Variants in PLXNA4 observed in about 807,000 individuals in gnomAD.
PLXNA4 encodes the protein plexin-A4.
In PLXNA4, 44 loss-of-function variants were observed where a neutral mutation model predicts 191.8. The ratio of observed to expected loss-of-function variants is 0.23; its 90% CI spans 0.18 to 0.29. PLXNA4 has a LOEUF of 0.29. Ranked by LOEUF, PLXNA4 falls within the 10% of genes least tolerant of loss-of-function variation. PLXNA4 has a pLI of 1.00. For synonymous variants in PLXNA4, 1,082 were observed against 1,009.5 expected, an observed-to-expected ratio of 1.07 and a Z score of -1.36; for missense variants, 1,800 against 2,488.8, an observed-to-expected ratio of 0.72 and a Z score of 5.89.
intron 1 of PLXNA4, among the ~76,000 whole-genome samples, chr7:132,646,322 C>T (rs568279765): frequency 4.6e-5 from 7 of 152,280 alleles, no homozygotes; most frequent in African/African-American, 1.7e-4. Context: ...CTCTTCCACT[C>T]AGAACACCTG....
At chr7:132,576,525 G>A (rs1016571956), upstream of PLXNA4, 1 of 985,874 alleles carries the variant, frequency 1.0e-6, no homozygotes, top group Non-Finnish European at 1.2e-6. The surrounding 1 kb of genome is among the most constrained non-coding windows in gnomAD (Gnocchi z 5.8). Context: ...GTGCGTGTGC[G>A]CGCGTGTGGC....
chr7:132,332,565 T>C (rs1159833095), intron 3 of PLXNA4, among the ~76,000 whole-genome samples: 1 of 152,058 alleles, frequency 6.6e-6, no homozygotes, highest in East Asian at 1.9e-4. Context: ...TATTATTCCA[T>C]GGGCTGGGCG....
intron 17 of PLXNA4, among the ~76,000 whole-genome samples, 152 bp downstream of exon 17, chr7:132,181,944 CT>C (rs553493563): frequency 5.6e-4 from 85 of 152,344 alleles, no homozygotes; most frequent in Admixed American, 1.4e-3. Context: ...GTCTTCCCCC[CT>C]ATTCCACTAT....
intron 3 of PLXNA4, among the ~76,000 whole-genome samples, chr7:132,483,870 G>A (rs1797438367): frequency 6.6e-6 from 1 of 152,204 alleles, no homozygotes; most frequent in Admixed American, 6.5e-5. Flanking sequence ...AGGAAGTCAG[G>A]AGGAGAATGC....
chr7:132,561,311 CCTT>C (rs1414277575), intron 1 of PLXNA4, among the ~76,000 whole-genome samples: 2 of 149,154 alleles, frequency 1.3e-5, no homozygotes, highest in Non-Finnish European at 3.0e-5. Context: ...TCCTCTTTCT[CCTT>C]CTTCTCCTCC....
chr7:132,582,108 AGGT>A (rs929696087), upstream of PLXNA4, among the ~76,000 whole-genome samples: 118 of 152,278 alleles, frequency 7.7e-4, no homozygotes, highest in African/African-American at 2.6e-3. Context: ...GGGAGGCACA[AGGT>A]CCCGTAGTAT....
intron 3 of PLXNA4, among the ~76,000 whole-genome samples, chr7:132,412,357 G>A (rs962066127): frequency 1.3e-5 from 2 of 152,140 alleles, no homozygotes; most frequent in Non-Finnish European, 2.9e-5. Context: ...CCATGCTGAC[G>A]ATACAACAGT....
At chr7:132,368,715 GAGA>G (rs1310541202) in intron 3 of PLXNA4, among the ~76,000 whole-genome samples, 2 of 152,220 alleles carry the variant, frequency 1.3e-5, no homozygotes, top group Non-Finnish European at 2.9e-5. Context: ...GGCTGGAGCT[GAGA>G]AGAACTGACA....
At position 132,508,894 on chromosome 7, in the gene PLXNA4, G is replaced by C; in HGVS notation, c.-86-115C>G. 3 of 1,071,758 alleles carry C rather than the reference G, an allele frequency of 2.8e-6. No homozygotes were observed. Among genetic ancestry groups the C allele is most frequent in the Non-Finnish European group, 3.8e-6 (3 of 792,292 alleles). The allele number at this position is 1,071,758 out of a possible 1,614,324, so 66.4% of individuals were successfully genotyped here. On this transcript the variant is annotated intron_variant, in intron 1 of 31. Coordinates refer to ENST00000321063, the MANE Select transcript of PLXNA4 (RefSeq NM_020911.2). The surrounding 1 kb of genome is among the most constrained non-coding windows in gnomAD (Gnocchi z 4.4). The stretch of plus-strand genomic sequence containing the variant: ...TGCACACACTGAGCAGAACTGCACT[G>C]GGGGGTGCTGGAGGCTGACTGAGTC...
At chr7:132,275,706 G>A (rs1000060338) in intron 4 of PLXNA4, among the ~76,000 whole-genome samples, 8 of 152,140 alleles carry the variant, frequency 5.3e-5, no homozygotes, top group African/African-American at 1.9e-4. Flanking sequence ...GGATGGATTC[G>A]ATGGAAATGA....
chr7:132,494,546 G>C (rs1487265486), intron 2 of PLXNA4, among the ~76,000 whole-genome samples: 4 of 152,172 alleles, frequency 2.6e-5, no homozygotes, highest in Admixed American at 6.5e-5. Flanking sequence ...TGGATGCAGA[G>C]AGCCCTCACA....
intron 3 of PLXNA4, among the ~76,000 whole-genome samples, chr7:132,374,658 A>T (rs1457613467): frequency 6.6e-6 from 1 of 152,200 alleles, no homozygotes; most frequent in Non-Finnish European, 1.5e-5. Context: ...TGAACCCTCG[A>T]ATGCTAACAA....
At chr7:132,560,526 T>C (rs942460705) in intron 1 of PLXNA4, among the ~76,000 whole-genome samples, 2 of 152,152 alleles carry the variant, frequency 1.3e-5, no homozygotes, top group African/African-American at 4.8e-5. Context: ...CTCCTAAGTC[T>C]GCAACTGGGT....
chr7:132,574,450 T>C (rs1414766815), intron 1 of PLXNA4, among the ~76,000 whole-genome samples: 1 of 152,212 alleles, frequency 6.6e-6, no homozygotes, highest in Non-Finnish European at 1.5e-5. Flanking sequence ...AAATGTTCCA[T>C]TTCTTCCACA....
At chr7:132,144,480 T>C (rs1409731081) in intron 29 of PLXNA4, among the ~76,000 whole-genome samples, 7 of 152,206 alleles carry the variant, frequency 4.6e-5, no homozygotes, top group Non-Finnish European at 1.0e-4. Flanking sequence ...AAGGAAGACA[T>C]AGTGGTTAAG....
intron 9 of PLXNA4, among the ~76,000 whole-genome samples, chr7:132,221,232 G>C (rs558636666): frequency 6.6e-6 from 1 of 152,112 alleles, no homozygotes; most frequent in South Asian, 2.1e-4. Context: ...TACAAGAAGA[G>C]CAAACAAGAA....
intron 3 of PLXNA4, among the ~76,000 whole-genome samples, chr7:132,329,237 G>A (rs950172107): frequency 2.6e-5 from 4 of 152,178 alleles, no homozygotes; most frequent in African/African-American, 9.7e-5. Context: ...CCTGTAGGTG[G>A]AATCTGTCTC....
chr7:132,257,971 G>C (rs1341627666), intron 4 of PLXNA4, among the ~76,000 whole-genome samples: 1 of 152,224 alleles, frequency 6.6e-6, no homozygotes, highest in Non-Finnish European at 1.5e-5. Context: ...GGCTAGCATG[G>C]GCCTTAATAA....
In PLXNA4 at chr7:132,298,127, C is replaced by G. The variant is rs1275110471; in HGVS notation, c.1467G>C (p.Lys489Asn). ...GPVLRDMAFS[K>N]DHEQLYIMSE... ...ACATGATGTAGAGTTGCTCGTGGTCCTTGGAGAAGGCCATATCCCGGAGGA... is the reference window on the plus strand; with the variant it reads ...ACATGATGTAGAGTTGCTCGTGGTCGTTGGAGAAGGCCATATCCCGGAGGA... The change falls in exon 4 of 32, where the codon AAG (lysine) becomes AAC (asparagine). Residue 489 changes from lysine (K) to asparagine (N), a missense_variant. Lys to Asn is a moderately conservative substitution (Grantham distance 94, BLOSUM62 0). Around this residue, in one of 6 missense-constraint regions of PLXNA4, gnomAD observed 1,397 missense variants for 1,880.4 expected, o/e 0.74. Coordinates refer to ENST00000321063, the MANE Select transcript of PLXNA4 (RefSeq NM_020911.2). 4.3e-6 allele frequency: 7 copies of G among 1,614,076 alleles called. No individual in the cohort carries two copies. The highest frequency in any genetic ancestry group is 1.1e-5 in the South Asian group (1 of 91,090).
Sources: allele counts gnomAD v4.1 joint callset (sites outside exome capture counted in the v4.1 genomes callset), GRCh38; gene constraint gnomAD v4.1.1; regional missense constraint gnomAD v4.1.1; non-coding constraint Gnocchi (gnomAD v3.1); transcripts MANE v1.5; gene names NCBI Gene and HGNC (gene_info 2026-07-23, HGNC 2026-07-21).